The following DLGAP1 variants were observed in gnomAD, a reference collection of about 807,000 sequenced individuals.
The protein encoded by DLGAP1 is disks large-associated protein 1.
Under a neutral mutation model 90.8 loss-of-function variants are expected in DLGAP1, and 11 were observed. The observed-to-expected ratio is 0.12, with a 90% confidence interval of 0.08 to 0.20. DLGAP1 has a LOEUF of 0.20. Among genes scored for constraint, DLGAP1 ranks in the 10% least tolerant of loss-of-function variants. The pLI, the probability that DLGAP1 is intolerant of heterozygous loss-of-function variation, is 1.00. For synonymous variants in DLGAP1, 558 were observed against 540.7 expected (o/e 1.03, Z -0.44); for missense variants, 1,050 against 1,333.8 (o/e 0.79, Z 3.31).
At chr18:4,312,352 C>T (rs1487081443) in intron 1 of DLGAP1, among the ~76,000 whole-genome samples, 1 of 152,128 alleles carries the variant, frequency 6.6e-6, no homozygotes, top group African/African-American at 2.4e-5. Flanking sequence ...ACATCCTACA[C>T]CAAGATTATA....
At chr18:4,099,025 T>C (rs2143845324) in intron 2 of DLGAP1, among the ~76,000 whole-genome samples, 1 of 152,310 alleles carries the variant, frequency 6.6e-6, no homozygotes, top group East Asian at 1.9e-4. Flanking sequence ...ATAAGTTACT[T>C]CAATTCCTCT....
intron 7 of DLGAP1, among the ~76,000 whole-genome samples, chr18:3,646,748 C>T (rs1599707883): frequency 6.6e-6 from 1 of 151,832 alleles, no homozygotes; most frequent in East Asian, 1.9e-4. Flanking sequence ...CACGGTGAAA[C>T]CTCGTCTCTA....
chr18:3,794,710 T>C (rs113760394), intron 5 of DLGAP1, among the ~76,000 whole-genome samples: 112 of 152,352 alleles, frequency 7.4e-4, no homozygotes, highest in African/African-American at 2.0e-3. Context: ...AGAGGGCAGA[T>C]TGCAGAAGTT....
chr18:3,898,648 G>A (rs950011847), intron 3 of DLGAP1, among the ~76,000 whole-genome samples: 2 of 152,184 alleles, frequency 1.3e-5, no homozygotes, highest in African/African-American at 4.8e-5. Context: ...ACCTTGTGTG[G>A]TGCAGCAAAT....
intron 11 of DLGAP1, among the ~76,000 whole-genome samples, chr18:3,507,904 T>C (rs2050332632): frequency 6.6e-6 from 1 of 152,130 alleles, no homozygotes; most frequent in African/African-American, 2.4e-5. Flanking sequence ...GCCCAGCTAA[T>C]TTTTGTATCT....
intron 4 of DLGAP1, among the ~76,000 whole-genome samples, chr18:3,853,350 AACG>A (rs1963677942): frequency 6.6e-6 from 1 of 152,144 alleles, no homozygotes; most frequent in African/African-American, 2.4e-5. Context: ...TCATGGGCCA[AACG>A]ACATTTTGGT....
chr18:4,364,319 A>G (rs1305057164), intron 1 of DLGAP1, among the ~76,000 whole-genome samples: 2 of 149,794 alleles, frequency 1.3e-5, no homozygotes, highest in Non-Finnish European at 3.0e-5. Flanking sequence ...TGACGAGTTA[A>G]TGGGTGCAGC....
intron 12 of DLGAP1, among the ~76,000 whole-genome samples, chr18:3,500,188 C>T (rs560908070): frequency 2.6e-5 from 4 of 152,144 alleles, no homozygotes; most frequent in African/African-American, 4.8e-5. Context: ...AGAGGTCATT[C>T]CTCTTATCAG....
At chr18:4,006,001 G>C (rs1388890718) in intron 2 of DLGAP1, among the ~76,000 whole-genome samples, 1 of 152,056 alleles carries the variant, frequency 6.6e-6, no homozygotes, top group Non-Finnish European at 1.5e-5. Context: ...CTAGTTCTTT[G>C]TACTTCACTT....
intron 3 of DLGAP1, among the ~76,000 whole-genome samples, chr18:3,952,070 A>AC (rs2072997191): frequency 6.6e-6 from 1 of 152,218 alleles, no homozygotes; most frequent in African/African-American, 2.4e-5. Context: ...AGAAATTTCT[A>AC]TAATAGAGAG....
chr18:3,871,841 G>C (rs1354709784), intron 4 of DLGAP1, among the ~76,000 whole-genome samples: 5 of 152,164 alleles, frequency 3.3e-5, no homozygotes, highest in African/African-American at 1.2e-4. Context: ...TTGTTGCAGG[G>C]ATACCTATGC....
At chr18:4,062,672 A>C (rs557165391) in intron 2 of DLGAP1, among the ~76,000 whole-genome samples, 5 of 152,222 alleles carry the variant, frequency 3.3e-5, no homozygotes, top group Non-Finnish European at 7.4e-5. Flanking sequence ...TAATAAGACT[A>C]AAGTTTATTT....
Position 3,702,208 on chromosome 18 carries a change from C to T in DLGAP1, c.1591+26927G>A, listed in dbSNP as rs113277345. ...CTGGGATTACAGGCGTCTGCCACCA[C>T]GCCCGGCATGAAGTTTCACCATGTT... On this transcript the variant is annotated intron_variant, in intron 7 of 12. Coordinates refer to ENST00000315677, the MANE Select transcript of DLGAP1 (RefSeq NM_004746.4). 4.5e-3 allele frequency among the ~76,000 whole-genome samples: 692 copies of T among 152,260 alleles called. 10 individuals carry two copies. Among genetic ancestry groups the T allele is most frequent in the African/African-American group, 0.015 (642 of 41,542 alleles).
intron 9 of DLGAP1, among the ~76,000 whole-genome samples, chr18:3,540,393 C>T (rs1367591609): frequency 2.0e-5 from 3 of 148,048 alleles, no homozygotes; most frequent in African/African-American, 7.5e-5. Context: ...CTTGAAGAAC[C>T]CGGGAGGCAG....
intron 3 of DLGAP1, among the ~76,000 whole-genome samples, chr18:3,893,596 T>C (rs1317632923): frequency 1.4e-5 from 2 of 147,650 alleles, no homozygotes; most frequent in Non-Finnish European, 3.0e-5. Context: ...ATAATAATAA[T>C]AATAATAATA....
chr18:3,901,909 G>C (rs2071792095), intron 3 of DLGAP1, among the ~76,000 whole-genome samples: 1 of 152,090 alleles, frequency 6.6e-6, no homozygotes, highest in South Asian at 2.1e-4. Context: ...AGACCCCTAA[G>C]GTGTCCGTGG....
intron 1 of DLGAP1, among the ~76,000 whole-genome samples, chr18:4,284,717 C>T (rs774547925): frequency 3.9e-5 from 6 of 152,228 alleles, no homozygotes; most frequent in South Asian, 2.1e-4. Flanking sequence ...TCTGGAGTGC[C>T]GCCTTCACAG....
At chr18:3,673,687 C>T (rs1365498556) in intron 7 of DLGAP1, among the ~76,000 whole-genome samples, 1 of 151,750 alleles carries the variant, frequency 6.6e-6, no homozygotes, top group Admixed American at 6.6e-5. Context: ...GCTGGGACTA[C>T]AGGCATGCGC....
chr18:3,740,719 T>C (rs1160238017), intron 6 of DLGAP1, among the ~76,000 whole-genome samples: 1 of 151,930 alleles, frequency 6.6e-6, no homozygotes, highest in Non-Finnish European at 1.5e-5. Context: ...CCACTGTCAC[T>C]GCTACCACCA....
Sources: gnomAD v4.1 joint callset for allele counts (sites outside exome capture counted in the v4.1 genomes callset) on GRCh38, gnomAD v4.1.1 for gene constraint, MANE v1.5 for transcripts, NCBI Gene and HGNC (gene_info 2026-07-23, HGNC 2026-07-21) for gene names.